DCAF8L2: variants seen among roughly 807,000 people sequenced by gnomAD.
The protein encoded by DCAF8L2 is DDB1 and CUL4 associated factor 8 like 2.
For synonymous variants in DCAF8L2, 200 were observed against 190.9 expected (o/e 1.05, Z -0.39); for missense variants, 430 against 490.7 (o/e 0.88, Z 1.17).
intron 1 of DCAF8L2, among the ~76,000 whole-genome samples, chrX:27,617,644 T>C (rs180938996): frequency 1.5e-4 from 17 of 111,523 alleles, no homozygotes; most frequent in Non-Finnish European, 2.8e-4. Context: ...GTTTCTGTTT[T>C]TTATTACAAA....
intron 2 of DCAF8L2, among the ~76,000 whole-genome samples, chrX:27,644,917 A>G (rs1050169957): frequency 9.0e-6 from 1 of 111,374 alleles, no homozygotes; most frequent in African/African-American, 3.3e-5. Flanking sequence ...ACCACGCCCA[A>G]CTAATTTTTG....
chrX:27,656,476 G>A (rs1414759141), intron 2 of DCAF8L2, among the ~76,000 whole-genome samples: 1 of 111,405 alleles, frequency 9.0e-6, no homozygotes, highest in Non-Finnish European at 1.9e-5. Context: ...TACTGTATCT[G>A]TCAATTTTTG....
At chrX:27,622,823 G>A (rs765259097) in intron 1 of DCAF8L2, among the ~76,000 whole-genome samples, 1 of 110,961 alleles carries the variant, frequency 9.0e-6, no homozygotes, top group East Asian at 2.9e-4. Context: ...GGAGTTATTT[G>A]GGTTGATGAC....
chrX:27,502,336 ATATATATATAT>A, the DCAF8L2 span, among the ~76,000 whole-genome samples: 335 of 10,877 alleles, frequency 0.031, 10 homozygotes, highest in African/African-American at 0.092. Context: ...AAAAAAAAAA[ATATATATATAT>A]ATATATATAT....
intron 1 of DCAF8L2, among the ~76,000 whole-genome samples, chrX:27,599,377 G>C (rs976153122): frequency 9.0e-6 from 1 of 111,011 alleles, no homozygotes; most frequent in Non-Finnish European, 1.9e-5. Context: ...GGAGGAGGGA[G>C]AAATGAGGAG....
At chrX:27,565,501 T>C in the DCAF8L2 span, among the ~76,000 whole-genome samples, 1 of 112,180 alleles carries the variant, frequency 8.9e-6, no homozygotes, top group Non-Finnish European at 1.9e-5. Flanking sequence ...TCAGGGATTT[T>C]GGTCTGTAGT....
chrX:27,636,551 G>T (rs751783188), intron 2 of DCAF8L2, among the ~76,000 whole-genome samples: 24 of 111,543 alleles, frequency 2.2e-4, no homozygotes, highest in African/African-American at 5.6e-4. Flanking sequence ...CTGTTGCATT[G>T]GTTCTAATAT....
chrX:27,668,936 C>CA (rs1188410615), intron 2 of DCAF8L2, among the ~76,000 whole-genome samples: 2,065 of 79,844 alleles, frequency 0.026, 62 homozygotes, highest in African/African-American at 0.084. Context: ...GACTCTGTCT[C>CA]AAAAAAAAAA....
intron 3 of DCAF8L2, among the ~76,000 whole-genome samples, chrX:27,696,310 GAAAGAAAGAAAGAAAGAAAGAA>G (rs1569184550): frequency 8.1e-5 from 7 of 86,352 alleles, no homozygotes; most frequent in Non-Finnish European, 1.1e-4. Context: ...AAGAAAGAAA[GAAAGAAAGAAAGAAAGAAAGAA>G]AAAGAAAGAA....
rs10571931 is a variant in DCAF8L2 at position 27,590,991 on chromosome X, T to TTATATATATATATATATATATATATA, written c.-342+575_-342+576insTATATATATATATATATATATATATA. On this transcript the variant is annotated intron_variant, in intron 1 of 4. Transcript: ENST00000451261. The stretch of plus-strand genomic sequence containing the variant: ...AAATGTTTATAAAAGCCTTTACATT[T>TTATATATATATATATATATATATATA]TATATATATATATATATATATATAA... Among the ~76,000 whole-genome samples the TTATATATATATATATATATATATATA allele has an allele frequency of 6.2e-3, 418 of 67,922 alleles. 9 individuals are homozygous for TTATATATATATATATATATATATATA. Among genetic ancestry groups the TTATATATATATATATATATATATATA allele is most frequent in the Non-Finnish European group, 9.1e-3 (299 of 32,889 alleles). 59.0% of individuals were successfully genotyped at this position (67,922 alleles called of 115,157 possible).
At chrX:27,508,017 TCATTCATTAAGC>T in the DCAF8L2 span, among the ~76,000 whole-genome samples, 3 of 112,024 alleles carry the variant, frequency 2.7e-5, no homozygotes, top group Non-Finnish European at 5.6e-5. Context: ...TGGTTTGTTC[TCATTCATTAAGC>T]CATTTATACA....
At chrX:27,471,232 G>C in the DCAF8L2 span, among the ~76,000 whole-genome samples, 1 of 112,031 alleles carries the variant, frequency 8.9e-6, no homozygotes, top group African/African-American at 3.2e-5. Context: ...TGTGGTTCAA[G>C]ATTTCTATTA....
At chrX:27,577,352 A>C in the DCAF8L2 span, among the ~76,000 whole-genome samples, 1 of 111,919 alleles carries the variant, frequency 8.9e-6, no homozygotes, top group South Asian at 3.7e-4. Flanking sequence ...TGCTAAATCA[A>C]AGAAAAGTTT....
chrX:27,623,821 A>G (rs1927893897), intron 1 of DCAF8L2, among the ~76,000 whole-genome samples: 2 of 111,564 alleles, frequency 1.8e-5, no homozygotes, highest in Non-Finnish European at 3.8e-5. Flanking sequence ...TTTCACACCA[A>G]TTTTGTTTGA....
At chrX:27,647,349 G>A (rs1928980000) in intron 2 of DCAF8L2, among the ~76,000 whole-genome samples, 2 of 111,693 alleles carry the variant, frequency 1.8e-5, no homozygotes, top group Admixed American at 9.6e-5. Flanking sequence ...ATAAGTGGGA[G>A]CTGAACAATG....
chrX:27,729,290 T>C (rs1602788793), intron 4 of DCAF8L2, among the ~76,000 whole-genome samples: 1 of 111,572 alleles, frequency 9.0e-6, no homozygotes, highest in Non-Finnish European at 1.9e-5. Context: ...ATTTTAATTG[T>C]ATGGTTTGAT....
chrX:27,598,276 G>T (rs1054227047), intron 1 of DCAF8L2, among the ~76,000 whole-genome samples: 1 of 112,279 alleles, frequency 8.9e-6, no homozygotes, highest in African/African-American at 3.2e-5. Context: ...ATTGAAGGGG[G>T]AATTATGAAT....
At chrX:27,607,467 C>T (rs945096934) in intron 1 of DCAF8L2, among the ~76,000 whole-genome samples, 11 of 111,485 alleles carry the variant, frequency 9.9e-5, no homozygotes, top group Non-Finnish European at 2.1e-4. Flanking sequence ...TCAGTAGTCT[C>T]AGTGGTTGTC....
Position 27,709,882 on chromosome X carries a change from A to AT in DCAF8L2, c.-142-6197dup, listed in dbSNP as rs772248205. The stretch of plus-strand genomic sequence containing the variant: ...GATTAAATGTGGGAAATGCCCAATT[A>AT]TTTTTTTTTGCTTTATGATTATGCT... On this transcript the variant is annotated intron_variant, in intron 3 of 4. Coordinates refer to ENST00000451261, the MANE Select transcript of DCAF8L2 (RefSeq NM_001353450.2). Among the ~76,000 whole-genome samples, 996 of 107,955 alleles carry AT rather than the reference A, an allele frequency of 9.2e-3. 8 individuals are homozygous for AT. Among genetic ancestry groups the AT allele is most frequent in the African/African-American group, 0.031 (922 of 29,699 alleles). 93.7% of individuals were successfully genotyped at this position (107,955 alleles called of 115,157 possible).
Sources: allele counts gnomAD v4.1 joint callset (sites outside exome capture counted in the v4.1 genomes callset), GRCh38; gene constraint gnomAD v4.1.1; transcripts MANE v1.5; gene names NCBI Gene and HGNC (gene_info 2026-07-23, HGNC 2026-07-21).